The following KIF7 variants were observed in gnomAD, a reference collection of about 807,000 sequenced individuals.
KIF7 encodes kinesin-like protein KIF7.
KIF7 carries 104 observed loss-of-function variants against 135.7 expected under a neutral mutation model. That is an observed-to-expected ratio of 0.77 (90% CI 0.65 to 0.90). The LOEUF is 0.90. Ranked by LOEUF, KIF7 falls within the 40% of genes least tolerant of loss-of-function variation. The pLI, the probability that KIF7 is intolerant of heterozygous loss-of-function variation, is 0.00. For synonymous variants in KIF7, 883 were observed against 809.4 expected (o/e 1.09, Z -1.54); for missense variants, 2,005 against 1,839.1 (o/e 1.09, Z -1.65).
chr15:89,638,945 A>T (rs1159899987), intron 11 of KIF7, among the ~76,000 whole-genome samples: 4 of 151,986 alleles, frequency 2.6e-5, no homozygotes, highest in Non-Finnish European at 5.9e-5. Context: ...ACCAAAACAG[A>T]GATATAGATC....
At chr15:89,619,054 A>G (rs2141979056) in intron 1 of KIF7, among the ~76,000 whole-genome samples, 2 of 152,328 alleles carry the variant, frequency 1.3e-5, no homozygotes, top group Middle Eastern at 3.4e-3. Flanking sequence ...TGTGGAAAAA[A>G]CAGGAAACAT....
At chr15:89,617,653 G>A (rs1963356370) in intron 2 of KIF7, among the ~76,000 whole-genome samples, 1 of 113,888 alleles carries the variant, frequency 8.8e-6, no homozygotes, top group African/African-American at 3.2e-5. Context: ...CTCCAGAGTA[G>A]CTGAACTACA....
chr15:89,619,132 C>T (rs1963381845), intron 1 of KIF7, among the ~76,000 whole-genome samples: 1 of 152,008 alleles, frequency 6.6e-6, no homozygotes, highest in Non-Finnish European at 1.5e-5. Flanking sequence ...TTAGCATATA[C>T]TCTTACTGCT....
At chr15:89,619,727 T>A (rs1225099112) in intron 1 of KIF7, 7 of 1,611,692 alleles carry the variant, frequency 4.3e-6, no homozygotes, top group Non-Finnish European at 5.9e-6. Context: ...TGAGACGAAG[T>A]CCTCGAATCA....
In KIF7 at chr15:89,631,605, G is replaced by A. The variant is rs387907045; in HGVS notation, c.3001C>T (p.Gln1001Ter). 1 of 1,562,272 alleles carries A rather than the reference G, an allele frequency of 6.4e-7. No individual in the cohort carries two copies. The highest frequency in any genetic ancestry group is 8.7e-7 in the Non-Finnish European group (1 of 1,152,414). The change falls in exon 15 of 19, where the codon CAG becomes TAG. Residue 1001 changes from glutamine (Q) to a stop codon, truncating the protein, a stop_gained. Coordinates refer to ENST00000394412, the MANE Select transcript of KIF7 (RefSeq NM_198525.3). LOFTEE classifies it high-confidence loss of function. ...QLRQGSAQSQ[Q>*]QIRGEIDSLR... ...CTGTCGATCTCCCCGCGGATCTGCT[G>A]CTGGCTCTGGGCGCTGCCCTGCCGC...
downstream of KIF7, chr15:89,627,150 T>C: frequency 1.9e-6 from 3 of 1,596,296 alleles, no homozygotes; most frequent in South Asian, 2.2e-5. Context: ...CATAAAGAAG[T>C]TGGATGCCTG....
chr15:89,648,937 G>A (rs1964072616), intron 4 of KIF7, 37 bp downstream of exon 4: 2 of 1,497,056 alleles, frequency 1.3e-6, no homozygotes, highest in Non-Finnish European at 1.8e-6. Flanking sequence ...CCGCCTCCCC[G>A]GCCCCCAGGC....
intron 10 of KIF7, among the ~76,000 whole-genome samples, chr15:89,644,105 T>G (rs1004653815): frequency 6.6e-5 from 10 of 152,210 alleles, no homozygotes; most frequent in Non-Finnish European, 1.5e-4. Flanking sequence ...CTACTAAGTC[T>G]GGAGGATGGG....
rs1208922826 is a variant in KIF7, at chr15:89,628,681, C to T, written c.3770G>A (p.Gly1257Glu). The T allele has an allele frequency of 3.1e-6, 5 of 1,612,990 alleles. No individual in the cohort carries two copies. Among genetic ancestry groups the T allele is most frequent in the Non-Finnish European group, 4.2e-6 (5 of 1,179,890 alleles). ...CGTCTCCTCCCGGGTGCGGGGGGCC[C>T]CCTCAGTGAGGGGGGACAGCCAGAG... Reference protein sequence around the residue: ...ELLWLSPLTEGAPRTREETRD... With the variant: ...ELLWLSPLTEEAPRTREETRD... The change falls in exon 19 of 19, where the codon GGG becomes GAG. Residue 1257 changes from glycine to glutamate, a missense_variant. Transcript: ENST00000394412.
At chr15:89,640,861 T>A (rs1596073460) in intron 11 of KIF7, among the ~76,000 whole-genome samples, 1 of 147,446 alleles carries the variant, frequency 6.8e-6, no homozygotes, top group African/African-American at 2.5e-5. Flanking sequence ...TAGCCAGGTG[T>A]GGTGGCACCT....
rs138875667 is a variant in KIF7, at chr15:89,628,038, C to T, written c.*381G>A. 5.9e-5 allele frequency: 11 copies of T among 186,426 alleles called. No homozygotes were observed. In the East Asian group the frequency reaches 1.5e-3, roughly 26 times the overall value. 11.5% of individuals were successfully genotyped at this position (186,426 alleles called of 1,614,324 possible). ...AAGATCCTAAAGTCTCCCAGTTTCC[C>T]CTATATACATAAGACCATTTAAACC... On this transcript the variant is annotated 3_prime_UTR_variant, in exon 19 of 19. Coordinates refer to ENST00000394412, the MANE Select transcript of KIF7 (RefSeq NM_198525.3).
At chr15:89,633,353 C>A in intron 12 of KIF7, 87 bp from the exon 13 acceptor site, 1 of 1,500,404 alleles carries the variant, frequency 6.7e-7, no homozygotes, top group Non-Finnish European at 9.0e-7. Context: ...CCCAGGAGTG[C>A]CTGCCCACTC....
At position 89,645,928 on chromosome 15, in the gene KIF7, CTCCTCCTCT is replaced by C. The variant is rs1293030449; in HGVS notation, c.1878_1886del (p.Glu629_Glu631del). 8.1e-6 allele frequency: 13 copies of C among 1,613,714 alleles called. No homozygotes were observed. The highest frequency in any genetic ancestry group is 1.1e-5 in the Non-Finnish European group (13 of 1,180,018). On this transcript the variant is annotated inframe_deletion, in exon 8 of 19. Transcript: ENST00000394412. Reference sequence around the variant, plus strand: ...GTAAGGTCCGCCTGGGCGGCTCCTCCTCCTCCTCTTCCTCCTCTGAAGCAGCTGAAGAGC... The same window carrying C: ...GTAAGGTCCGCCTGGGCGGCTCCTCCTCCTCCTCTGAAGCAGCTGAAGAGC...
At position 89,648,985 on chromosome 15, in the gene KIF7, G is replaced by A; in HGVS notation, c.912C>T (p.Ser304=). Reference sequence around the variant, plus strand: ...AGGGGGCAGCTCACCGGGTGATCTTGGAGTCGCGGTAGGGTATGTGGCTGC... The same window carrying A: ...AGGGGGCAGCTCACCGGGTGATCTTAGAGTCGCGGTAGGGTATGTGGCTGC... ...RRGSHIPYRD[S]KITRILKDSL... The change falls in exon 4 of 19, where the codon TCC becomes TCT. Residue 304 remains serine (S), a synonymous_variant. Transcript: ENST00000394412. 1 of 1,538,744 alleles carries A rather than the reference G, an allele frequency of 6.5e-7. No homozygotes were observed. Among genetic ancestry groups the A allele is most frequent in the Non-Finnish European group, 8.8e-7 (1 of 1,140,942 alleles).
At position 89,649,273 on chromosome 15, in the gene KIF7, C is replaced by G. The variant is rs1288618729; in HGVS notation, c.624G>C (p.Thr208=). The change falls in exon 4 of 19, where the codon ACG becomes ACC. Residue 208 remains threonine (T), a synonymous_variant. Coordinates refer to ENST00000394412, the MANE Select transcript of KIF7 (RefSeq NM_198525.3). ...MGNAARHTGA[T]HLNHLSSRSH... is the part of the protein sequence containing the mutation. ...AGCGGCTAGACAGGTGGTTGAGGTG[C>G]GTGGCTCCCGTGTGCCGCGCCGCGT... 1 of 1,518,478 alleles carries G rather than the reference C, an allele frequency of 6.6e-7. No individual in the cohort carries two copies. The highest frequency in any genetic ancestry group is 1.4e-5 in the African/African-American group (1 of 72,222). The allele number at this position is 1,518,478 out of a possible 1,614,324, so 94.1% of individuals were successfully genotyped here. A position where few individuals can be genotyped will look rare whatever the true frequency, so the allele number is the denominator to read the frequency against.
intron 1 of KIF7, 76 bp from the exon 2 acceptor site, chr15:89,653,030 G>T (rs2142037125): frequency 8.7e-7 from 1 of 1,153,832 alleles, no homozygotes; most frequent in Non-Finnish European, 1.2e-6. Context: ...GGGGACTCGA[G>T]CCAGATCCTG....
downstream of KIF7, chr15:89,625,239 CT>C (rs750868929): frequency 2.5e-6 from 4 of 1,613,544 alleles, no homozygotes; most frequent in African/African-American, 5.3e-5. Flanking sequence ...AAACCTACAT[CT>C]GCCAGGCCTG....
exon 2 of KIF7, chr15:89,618,065 T>C (rs1460791117): frequency 1.5e-6 from 2 of 1,317,988 alleles, no homozygotes; most frequent in Non-Finnish European, 2.2e-6. Flanking sequence ...ATCTTTGTGA[T>C]CTTGTTAAGT....
chr15:89,618,732 G>C (rs575451205), intron 1 of KIF7, among the ~76,000 whole-genome samples: 12 of 152,312 alleles, frequency 7.9e-5, no homozygotes, highest in African/African-American at 2.4e-4. Context: ...AAGCCAAGTG[G>C]GGAGGATCAC....
Sources: allele counts gnomAD v4.1 joint callset (sites outside exome capture counted in the v4.1 genomes callset), GRCh38; gene constraint gnomAD v4.1.1; transcripts MANE v1.5; gene names NCBI Gene and HGNC (gene_info 2026-07-23, HGNC 2026-07-21).